The following SLC47A1 variants were observed in gnomAD, a reference collection of about 807,000 sequenced individuals.
SLC47A1 encodes solute carrier family 47 member 1, also known as multidrug and toxin extrusion protein 1.
Under a neutral mutation model 65.8 loss-of-function variants are expected in SLC47A1, and 58 were observed. That is an observed-to-expected ratio of 0.88 (90% CI 0.71 to 1.10). The LOEUF (loss-of-function observed/expected upper bound fraction) is 1.10, where lower values mean the gene tolerates loss of function less well. Among genes scored for constraint, SLC47A1 ranks in the 50% least tolerant of loss-of-function variants. The pLI, the probability that SLC47A1 is intolerant of heterozygous loss-of-function variation, is 0.00. For missense variants in SLC47A1, 706 were observed against 719.2 expected (o/e 0.98, Z 0.21); for synonymous variants, 285 against 295.0 (o/e 0.97, Z 0.35).
rs1480708114 is a variant in SLC47A1, at chr17:19,572,796, A to G, written c.1421A>G (p.Asn474Ser). Residue 474 changes from asparagine to serine, a missense_variant, in exon 16 of 17, where the codon AAT (asparagine) becomes AGT (serine). By Grantham distance (46) the Asn-to-Ser change is conservative. Transcript: ENST00000270570. ...KACQQAQVHA[N>S]LKVNNVPRSG... ...ATTTTCCAGGCTCAGGTACACGCCA[A>G]TTTGAAAGTAAACAACGTGCCTCGG... 2.5e-6 allele frequency: 4 copies of G among 1,614,156 alleles called. No individual in the cohort carries two copies. In the East Asian group the frequency reaches 6.7e-5, roughly 27 times the overall value.
chr17:19,534,177 C>T (rs371755837), intron 1 of SLC47A1, 103 bp downstream of exon 1: 12 of 1,350,840 alleles, frequency 8.9e-6, no homozygotes, highest in East Asian at 6.0e-5. Flanking sequence ...ACCGAGCGAG[C>T]TGTCCGCCGG....
In SLC47A1 at chr17:19,533,891, G is replaced by C. The variant is rs774710134; in HGVS notation, c.-49G>C. 124 of 1,439,284 alleles carry C rather than the reference G, an allele frequency of 8.6e-5. No homozygotes were observed. The highest frequency in any genetic ancestry group is 1.6e-4 in the Admixed American group (6 of 38,128). 89.2% of individuals were successfully genotyped at this position (1,439,284 alleles called of 1,614,324 possible). On this transcript the variant is annotated 5_prime_UTR_variant, in exon 1 of 17. Coordinates refer to ENST00000270570, the MANE Select transcript of SLC47A1 (RefSeq NM_018242.3). Reference sequence around the variant, plus strand: ...CGCGGTACTCACTGCCGGCCTCCGCGGTACCCACTGCCGGCCTCCGCGCTA... The same window carrying C: ...CGCGGTACTCACTGCCGGCCTCCGCCGTACCCACTGCCGGCCTCCGCGCTA...
In SLC47A1 at chr17:19,555,721, G is replaced by A. The variant is rs775228749; in HGVS notation, c.739+31G>A. The A allele has an allele frequency of 2.5e-6, 4 of 1,613,724 alleles. No homozygotes were observed. In the South Asian group the frequency reaches 4.4e-5, roughly 18 times the overall value. On this transcript the variant is annotated intron_variant, in intron 8 of 16. Transcript: ENST00000270570. ...GACTGCCCTTTTGTCTTCCAACTGG[G>A]ATGTGGGTTTTGTCTCAGGTTGAGT...
chr17:19,539,116 G>GCCTGGGCTGGTCTTGAACT (rs1469493643), intron 1 of SLC47A1, among the ~76,000 whole-genome samples: 1 of 151,990 alleles, frequency 6.6e-6, no homozygotes, highest in Non-Finnish European at 1.5e-5. Context: ...ACAAAATGTT[G>GCCTGGGCTGGTCTTGAACT]CCTGGGCTGG....
intron 1 of SLC47A1, among the ~76,000 whole-genome samples, chr17:19,538,576 C>T (rs1916057961): frequency 6.6e-6 from 1 of 152,258 alleles, no homozygotes; most frequent in Non-Finnish European, 1.5e-5. Flanking sequence ...GTCTAACTCA[C>T]ACCTGTTCCC....
At chr17:19,556,559 ATTT>A (rs35618722) in intron 10 of SLC47A1, among the ~76,000 whole-genome samples, 1 of 141,044 alleles carries the variant, frequency 7.1e-6, no homozygotes. Flanking sequence ...TCTTAAAGGG[ATTT>A]TTTTTTTTTT....
intron 4 of SLC47A1, among the ~76,000 whole-genome samples, chr17:19,549,160 A>G (rs901144487): frequency 5.9e-5 from 9 of 152,058 alleles, no homozygotes; most frequent in African/African-American, 2.2e-4. Flanking sequence ...GGGTTATAAG[A>G]TGACAAGCTC....
At position 19,560,461 on chromosome 17, in the gene SLC47A1, G is replaced by A. The variant is rs1242954789; in HGVS notation, c.1074G>A (p.Lys358=). 1 of 1,614,174 alleles carries A rather than the reference G, an allele frequency of 6.2e-7. No homozygotes were observed. Residue 358 remains lysine, a synonymous_variant, in exon 12 of 17, where the codon AAG becomes AAA. Coordinates refer to ENST00000270570, the MANE Select transcript of SLC47A1 (RefSeq NM_018242.3). The part of the protein sequence containing the change: ...VAFSVLLLSC[K]DHVGYIFTTD... ...TCAGTGTCCTGCTGTTAAGCTGTAA[G>A]GATCACGTGGGGTACATTTTTACTA...
chr17:19,549,724 G>A (rs1359113232), intron 5 of SLC47A1, 47 bp downstream of exon 5: 4 of 1,595,434 alleles, frequency 2.5e-6, no homozygotes, highest in Admixed American at 3.3e-5. Flanking sequence ...GTCCGTGGGT[G>A]AAAGGTAGCC....
chr17:19,549,782 A>G (rs1916397473), intron 5 of SLC47A1, 105 bp downstream of exon 5: 5 of 1,255,370 alleles, frequency 4.0e-6, no homozygotes, highest in Non-Finnish European at 4.6e-6. Context: ...GATGATTCTT[A>G]TCTGTGGTGT....
At chr17:19,546,382 T>C in intron 2 of SLC47A1, 53 bp from the exon 3 acceptor site, 1 of 1,567,612 alleles carries the variant, frequency 6.4e-7, no homozygotes, top group Admixed American at 1.7e-5. Flanking sequence ...AGGGATTTTG[T>C]CTTCCTTTCC....
intron 2 of SLC47A1, among the ~76,000 whole-genome samples, chr17:19,545,597 C>T (rs961236657): frequency 2.0e-5 from 3 of 151,934 alleles, no homozygotes; most frequent in South Asian, 2.1e-4. Flanking sequence ...ATCAAGTGAT[C>T]GTCCCACCTC....
In SLC47A1 at chr17:19,564,784, G is replaced by T. The variant is rs145250361; in HGVS notation, c.1107-2006G>T. Among the ~76,000 whole-genome samples, 493 of 152,124 alleles carry T rather than the reference G, an allele frequency of 3.2e-3. 6 individuals carry two copies. Among genetic ancestry groups the T allele is most frequent in the African/African-American group, 0.011 (463 of 41,482 alleles). ...TGCCCAGGCTGGAGTGCAATGGCAC[G>T]ATCTCGGCTCATCGCAATCTCCGCC... On this transcript the variant is annotated intron_variant, in intron 12 of 16. Transcript: ENST00000270570.
At chr17:19,547,308 T>C (rs918160020) in intron 3 of SLC47A1, among the ~76,000 whole-genome samples, 2 of 151,262 alleles carry the variant, frequency 1.3e-5, no homozygotes, top group African/African-American at 4.9e-5. Context: ...CCTCCCAACA[T>C]GTTGGGATTA....
At chr17:19,568,705 C>T (rs1355274725) in intron 14 of SLC47A1, among the ~76,000 whole-genome samples, 2 of 152,094 alleles carry the variant, frequency 1.3e-5, no homozygotes, top group Admixed American at 6.5e-5. Flanking sequence ...ATGTGCAGTA[C>T]ATTGACTACA....
At chr17:19,551,262 A>G (rs2247518) in intron 5 of SLC47A1, among the ~76,000 whole-genome samples, 162 bp from the exon 6 acceptor site, 1 of 151,890 alleles carries the variant, frequency 6.6e-6, no homozygotes, top group Non-Finnish European at 1.5e-5. Flanking sequence ...GGGCCATAAC[A>G]CCCTGGCCCC....
At chr17:19,567,361 CAG>C in intron 14 of SLC47A1, 133 bp downstream of exon 14, 1 of 1,362,826 alleles carries the variant, frequency 7.3e-7, no homozygotes, top group Non-Finnish European at 1.0e-6. Context: ...TGTGTCTTGT[CAG>C]AGAGTGTAGG....
Position 19,559,997 on chromosome 17 carries a change from G to A in SLC47A1, c.922-191G>A, listed in dbSNP as rs1002429660. ...CAAAGCCCAGTTTGTGCTAAGCATC[G>A]TAACCTGGGGCTCAGTTTCCACAGT... On this transcript the variant is annotated intron_variant, in intron 10 of 16. Coordinates refer to ENST00000270570, the MANE Select transcript of SLC47A1 (RefSeq NM_018242.3). 16 of 564,450 alleles carry A rather than the reference G, an allele frequency of 2.8e-5. No individual in the cohort carries two copies. In the Admixed American group the frequency reaches 4.2e-4, roughly 15 times the overall value. 35.0% of individuals were successfully genotyped at this position (564,450 alleles called of 1,614,324 possible). A position where few individuals can be genotyped will look rare whatever the true frequency, so the allele number is the denominator to read the frequency against.
intron 2 of SLC47A1, among the ~76,000 whole-genome samples, chr17:19,543,602 C>T (rs1348270227): frequency 6.6e-6 from 1 of 152,142 alleles, no homozygotes; most frequent in East Asian, 1.9e-4. Flanking sequence ...AAATCTAGAT[C>T]TTTGTGTCCA....
Sources: allele counts gnomAD v4.1 joint callset (sites outside exome capture counted in the v4.1 genomes callset), GRCh38; gene constraint gnomAD v4.1.1; transcripts MANE v1.5; gene names NCBI Gene and HGNC (gene_info 2026-07-23, HGNC 2026-07-21).